The following CFAP410 variants were observed in gnomAD, a reference collection of about 807,000 sequenced individuals.
The protein encoded by CFAP410 is cilia- and flagella-associated protein 410.
A neutral mutation model predicts 25.7 loss-of-function variants in CFAP410; 27 were observed. The ratio of observed to expected loss-of-function variants is 1.05; its 90% CI spans 0.77 to 1.45. CFAP410 has a LOEUF of 1.45. Ranked by LOEUF, CFAP410 falls within the 40% of genes most tolerant of loss-of-function variation. The pLI, the probability that CFAP410 is intolerant of heterozygous loss-of-function variation, is 0.00. For missense variants in CFAP410, 428 were observed against 354.1 expected, an observed-to-expected ratio of 1.21 and a Z score of -1.67; for synonymous variants, 178 against 158.4, an observed-to-expected ratio of 1.12 and a Z score of -0.93.
intron 3 of CFAP410, chr21:44,334,589 A>C (rs2047719674): frequency 7.9e-5 from 18 of 228,490 alleles, no homozygotes; most frequent in South Asian, 6.3e-4. Context: ...CTCGGGCTCC[A>C]TCTCCTCCTC....
intron 6 of CFAP410, 97 bp downstream of exon 6, chr21:44,330,726 C>T (rs764554346): frequency 2.5e-5 from 39 of 1,549,352 alleles, no homozygotes; most frequent in Middle Eastern, 1.7e-4. Context: ...TCCCTCCCCA[C>T]GGGGCCCTGT....
chr21:44,337,617 T>TGCAATACTTACATCTGTGAG, intron 2 of CFAP410, 32 bp downstream of exon 2: 12 of 1,605,356 alleles, frequency 7.5e-6, no homozygotes, highest in Admixed American at 3.4e-5. Flanking sequence ...AGATGATCAG[T>TGCAATACTTACATCTGTGAG]GCAATACTTA....
intron 5 of CFAP410, 179 bp from the exon 6 acceptor site, chr21:44,331,098 T>A: frequency 1.6e-6 from 1 of 628,244 alleles, no homozygotes; most frequent in Non-Finnish European, 2.7e-6. Flanking sequence ...AGATGGCAGC[T>A]CCTGGAGAGC....
rs986860461 is a variant in CFAP410, at chr21:44,339,341, G to A, written c.-147C>T. Reference sequence around the variant, plus strand: ...TTGGCGGCTCGGTGAGGAGAGCGGGGCGACGCGAGCCCGCTGGGGCCGCTT... The same window carrying A: ...TTGGCGGCTCGGTGAGGAGAGCGGGACGACGCGAGCCCGCTGGGGCCGCTT... On this transcript the variant is annotated 5_prime_UTR_variant, in exon 1 of 7. Transcript: ENST00000339818. 9 of 456,806 alleles carry A rather than the reference G, an allele frequency of 2.0e-5. No individual in the cohort carries two copies. The highest frequency in any genetic ancestry group is 3.3e-5 in the Non-Finnish European group (9 of 268,882). 28.3% of individuals were successfully genotyped at this position (456,806 alleles called of 1,614,324 possible). A position where few individuals can be genotyped will look rare whatever the true frequency, so the allele number is the denominator to read the frequency against.
chr21:44,333,771 G>A, intron 3 of CFAP410: 1 of 326,700 alleles, frequency 3.1e-6, no homozygotes, highest in South Asian at 2.5e-5. Context: ...ACGCGTCAGA[G>A]AAGAGAAACA....
At chr21:44,335,546 C>T (rs1336244941) in intron 3 of CFAP410, 1 of 596,780 alleles carries the variant, frequency 1.7e-6, no homozygotes, top group Non-Finnish European at 3.0e-6. Context: ...ATCAGGAGGC[C>T]CAGGTGAGGC....
intron 3 of CFAP410, chr21:44,335,357 C>T (rs539866392): frequency 1.7e-4 from 41 of 248,070 alleles, no homozygotes; most frequent in African/African-American, 7.4e-4. Flanking sequence ...GCAGAAGAGG[C>T]CAGGACTCTG....
chr21:44,338,060 C>CT (rs1344409970), intron 1 of CFAP410, among the ~76,000 whole-genome samples: 1 of 152,188 alleles, frequency 6.6e-6, no homozygotes, highest in African/African-American at 2.4e-5. Context: ...ATGAAGCAAA[C>CT]TTTAAAAGCC....
chr21:44,334,228 G>A (rs774723827), intron 3 of CFAP410: 6 of 456,308 alleles, frequency 1.3e-5, no homozygotes, highest in South Asian at 6.2e-5. Context: ...ACACCCCTGG[G>A]GTCCTGTCCC....
intron 3 of CFAP410, chr21:44,334,978 C>G: frequency 6.5e-6 from 1 of 153,920 alleles, no homozygotes; most frequent in Non-Finnish European, 1.4e-5. Flanking sequence ...CCTGCAATAC[C>G]CACTCTCAGA....
In CFAP410 at chr21:44,331,867, G is replaced by A. The variant is rs764188617; in HGVS notation, c.521C>T (p.Pro174Leu). 6.6e-5 allele frequency: 107 copies of A among 1,611,722 alleles called. No individual in the cohort carries two copies. Among genetic ancestry groups the A allele is most frequent in the Non-Finnish European group, 8.4e-5 (99 of 1,179,678 alleles). Residue 174 changes from proline (P) to leucine (L), a missense_variant, in exon 5 of 7, where the codon CCG (proline) becomes CTG (leucine). Transcript: ENST00000339818. ...LSSAAETGRD[P>L]LDSEEEATSG... ...CGTTGCCTCCTCCTCGCTGTCCAGC[G>A]GGTCCCGGCCAGTCTCAGCAGCGGA...
chr21:44,331,795 T>C (rs763624843), intron 5 of CFAP410, 48 bp downstream of exon 5: 1 of 1,579,462 alleles, frequency 6.3e-7, no homozygotes, highest in East Asian at 2.3e-5. Flanking sequence ...GGGAGGACCC[T>C]GGGGGACAGG....
rs1016598596 is a variant in CFAP410, at chr21:44,336,390, G to A, written c.97-586C>T. On this transcript the variant is annotated intron_variant, in intron 2 of 6. Coordinates refer to ENST00000339818, the MANE Select transcript of CFAP410 (RefSeq NM_004928.3). Reference sequence around the variant, plus strand: ...GGGACCCCAATGTCCCCTACGCAGGGATAGAAAGCAAGGAAAGGATGGAAA... The same window carrying A: ...GGGACCCCAATGTCCCCTACGCAGGAATAGAAAGCAAGGAAAGGATGGAAA... Among the ~76,000 whole-genome samples, 4 of 152,212 alleles carry A rather than the reference G, an allele frequency of 2.6e-5. No individual in the cohort carries two copies. In the East Asian group the frequency reaches 5.8e-4, roughly 22 times the overall value.
At chr21:44,334,048 C>T (rs188236369) in intron 3 of CFAP410, 3 of 453,136 alleles carry the variant, frequency 6.6e-6, no homozygotes, top group South Asian at 1.6e-5. Flanking sequence ...GCTATGAGGC[C>T]GCCCCATTTT....
At chr21:44,335,674 CA>C in intron 3 of CFAP410, 83 bp downstream of exon 3, 1 of 1,062,572 alleles carries the variant, frequency 9.4e-7, no homozygotes. Context: ...GGTTATGTCA[CA>C]GTGCTGGGTC....
rs961329460 is a variant in CFAP410, at chr21:44,331,823, C to T, written c.545+20G>A. The T allele has an allele frequency of 3.7e-6, 6 of 1,605,494 alleles. No homozygotes were observed. In the African/African-American group the frequency reaches 8.0e-5, roughly 21 times the overall value. ...GGGACAGGGATGGGCTGCGGAGTCC[C>T]CGCTGCCCTCCAGCCTCACGTTGCC... is the stretch of plus-strand genomic sequence containing the variant. On this transcript the variant is annotated intron_variant, in intron 5 of 6. Coordinates refer to ENST00000339818, the MANE Select transcript of CFAP410 (RefSeq NM_004928.3).
intron 2 of CFAP410, among the ~76,000 whole-genome samples, chr21:44,336,166 C>A (rs920560349): frequency 6.6e-6 from 1 of 152,098 alleles, no homozygotes; most frequent in African/African-American, 2.4e-5. Context: ...AGGATGAATG[C>A]CCACGAGTAT....
rs572283576 is a variant in CFAP410, at chr21:44,328,981, C to T, written c.*1217G>A. 1 of 152,558 alleles carries T rather than the reference C, an allele frequency of 6.6e-6. No individual in the cohort carries two copies. The highest frequency in any genetic ancestry group is 1.9e-4 in the East Asian group (1 of 5,186). 9.5% of individuals were successfully genotyped at this position (152,558 alleles called of 1,614,324 possible). A position where few individuals can be genotyped will look rare whatever the true frequency, so the allele number is the denominator to read the frequency against. On this transcript the variant is annotated 3_prime_UTR_variant, in exon 7 of 7. Coordinates refer to ENST00000339818, the MANE Select transcript of CFAP410 (RefSeq NM_004928.3). ...AAGCGCTTTACTGAGGGCACCCACT[C>T]CACAGTCCCAAGGAGGCAGACACAG...
chr21:44,337,716 A>T (rs201041019), intron 1 of CFAP410, 49 bp from the exon 2 acceptor site: 3 of 1,552,870 alleles, frequency 1.9e-6, no homozygotes, highest in Non-Finnish European at 2.7e-6. Flanking sequence ...GTTGAATAAA[A>T]AACACTGAAG....
Sources: gnomAD v4.1 joint callset for allele counts (sites outside exome capture counted in the v4.1 genomes callset) on GRCh38, gnomAD v4.1.1 for gene constraint, MANE v1.5 for transcripts, NCBI Gene and HGNC (gene_info 2026-07-23, HGNC 2026-07-21) for gene names.